LHFPL3: variants seen among roughly 807,000 people sequenced by gnomAD.
LHFPL3 encodes LHFPL tetraspan subfamily member 3, also known as LHFPL tetraspan subfamily member 3 protein.
Under a neutral mutation model 19.3 loss-of-function variants are expected in LHFPL3, and 5 were observed. The observed-to-expected ratio is 0.26, with a 90% confidence interval of 0.14 to 0.54. The LOEUF (loss-of-function observed/expected upper bound fraction) is 0.54. Ranked by LOEUF, LHFPL3 falls within the 20% of genes least tolerant of loss-of-function variation. The pLI is 0.94. For missense variants in LHFPL3, 249 were observed against 307.4 expected (o/e 0.81, Z 1.42); for synonymous variants, 133 against 126.2 (o/e 1.05, Z -0.36).
At chr7:104,553,375 A>C (rs1404986492) in intron 1 of LHFPL3, among the ~76,000 whole-genome samples, 1 of 152,134 alleles carries the variant, frequency 6.6e-6, no homozygotes, top group Non-Finnish European at 1.5e-5. Flanking sequence ...TTTCCATTTT[A>C]ATAAAAAGTT....
intron 1 of LHFPL3, among the ~76,000 whole-genome samples, chr7:104,609,220 G>A (rs533394001): frequency 1.3e-3 from 200 of 151,740 alleles, no homozygotes; most frequent in Non-Finnish European, 2.4e-3. Context: ...AGCTGAGACC[G>A]TGCCACTACA....
intron 2 of LHFPL3, among the ~76,000 whole-genome samples, chr7:104,737,673 T>C (rs183861375): frequency 1.3e-5 from 2 of 152,340 alleles, no homozygotes; most frequent in Non-Finnish European, 2.9e-5. Context: ...GGGATAGAAT[T>C]TTGGTGTCTC....
Position 104,771,848 on chromosome 7 carries a change from G to A in LHFPL3, c.682+34937G>A, listed in dbSNP as rs368399212. Among the ~76,000 whole-genome samples the A allele has an allele frequency of 5.2e-3, 582 of 111,224 alleles. 3 individuals are homozygous for A. The highest frequency in any genetic ancestry group is 0.019 in the African/African-American group (540 of 28,356). The allele number at this position is 111,224 out of a possible 152,430, so 73.0% of individuals were successfully genotyped here. On this transcript the variant is annotated intron_variant, in intron 2 of 2. Coordinates refer to ENST00000424859, the MANE Select transcript of LHFPL3 (RefSeq NM_199000.3). Reference sequence around the variant, plus strand: ...TTTTTTTTTTTTTTTTTTTTGAGACGGTTTCGCTCTGTCGCCAGGCTGGAG... The same window carrying A: ...TTTTTTTTTTTTTTTTTTTTGAGACAGTTTCGCTCTGTCGCCAGGCTGGAG...
chr7:104,760,808 T>C (rs78712315), intron 2 of LHFPL3, among the ~76,000 whole-genome samples: 2,107 of 152,272 alleles, frequency 0.014, 34 homozygotes, highest in East Asian at 0.054. Context: ...CTTTCAATCT[T>C]CCTACCCATT....
intron 1 of LHFPL3, among the ~76,000 whole-genome samples, chr7:104,566,984 G>A (rs544131197): frequency 6.6e-6 from 1 of 152,118 alleles, no homozygotes; most frequent in East Asian, 1.9e-4. Context: ...TCACTCTTCT[G>A]TCAGCCTCCC....
chr7:104,672,931 T>C (rs1413410669), intron 1 of LHFPL3, among the ~76,000 whole-genome samples: 2 of 152,008 alleles, frequency 1.3e-5, no homozygotes, highest in Non-Finnish European at 2.9e-5. Flanking sequence ...AAAGGAAAAA[T>C]ATGTGGTCAT....
chr7:104,468,139 C>T (rs148280907), intron 1 of LHFPL3, among the ~76,000 whole-genome samples: 3 of 152,352 alleles, frequency 2.0e-5, no homozygotes, highest in African/African-American at 7.2e-5. Flanking sequence ...GCCACTGCTG[C>T]AACCCGGAGG....
Position 104,745,033 on chromosome 7 carries a change from G to A in LHFPL3, c.682+8122G>A, listed in dbSNP as rs961391195. Among the ~76,000 whole-genome samples the A allele has an allele frequency of 3.3e-5, 5 of 152,232 alleles. No individual in the cohort carries two copies. The Middle Eastern group carries it at 0.01, about 311-fold the overall frequency. ...GGTCTCTATACCCAACAGCTTACCC[G>A]ATACCCTTTTTTGAATATCTAATTA... On this transcript the variant is annotated intron_variant, in intron 2 of 2. Transcript: ENST00000424859.
At chr7:104,486,079 T>C (rs1471862740) in intron 1 of LHFPL3, among the ~76,000 whole-genome samples, 3 of 152,236 alleles carry the variant, frequency 2.0e-5, no homozygotes, top group Non-Finnish European at 4.4e-5. Context: ...GAGTTCATAA[T>C]TCTGAGTCAG....
chr7:104,408,868 T>C (rs189973881), intron 1 of LHFPL3, among the ~76,000 whole-genome samples: 2,116 of 134,012 alleles, frequency 0.016, 90 homozygotes, highest in African/African-American at 0.056. Flanking sequence ...TTCTTTCTTT[T>C]TTTTTTTTTT....
intron 1 of LHFPL3, chr7:104,669,554 A>T: frequency 6.2e-7 from 1 of 1,611,712 alleles, no homozygotes; most frequent in Non-Finnish European, 8.5e-7. Flanking sequence ...GATGAAAATG[A>T]GGGAGAAGAT....
chr7:104,383,577 A>C (rs574765263), intron 1 of LHFPL3, among the ~76,000 whole-genome samples: 7 of 152,220 alleles, frequency 4.6e-5, no homozygotes, highest in African/African-American at 1.7e-4. Context: ...GATCCTATAA[A>C]GGAGCTGGTC....
chr7:104,377,855 AT>A (rs1190327079), intron 1 of LHFPL3, among the ~76,000 whole-genome samples: 1 of 152,196 alleles, frequency 6.6e-6, no homozygotes, highest in Non-Finnish European at 1.5e-5. Context: ...CTAAGCTTTT[AT>A]TTGTCTTTAA....
At chr7:104,820,815 G>A (rs1486151861) in intron 2 of LHFPL3, among the ~76,000 whole-genome samples, 1 of 152,138 alleles carries the variant, frequency 6.6e-6, no homozygotes, top group African/African-American at 2.4e-5. Flanking sequence ...GAGGAGGAGA[G>A]AAACGCCTTC....
chr7:104,843,352 C>CA lies in LHFPL3; in HGVS notation c.683-62834dup, dbSNP rs577892072. 3.2e-3 allele frequency among the ~76,000 whole-genome samples: 491 copies of CA among 152,332 alleles called. 6 individuals carry two copies. Among genetic ancestry groups the CA allele is most frequent in the African/African-American group, 0.012 (479 of 41,578 alleles). On this transcript the variant is annotated intron_variant, in intron 2 of 2. Coordinates refer to ENST00000424859, the MANE Select transcript of LHFPL3 (RefSeq NM_199000.3). Reference sequence around the variant, plus strand: ...CTTCCACCTCCGTGGTGGAAGAATGCACCTCGATGGAAGCTGAGCACATTG... The same window carrying CA: ...CTTCCACCTCCGTGGTGGAAGAATGCAACCTCGATGGAAGCTGAGCACATTG...
chr7:104,860,155 A>C (rs904263623), intron 2 of LHFPL3, among the ~76,000 whole-genome samples: 1 of 142,566 alleles, frequency 7.0e-6, no homozygotes, highest in African/African-American at 2.6e-5. Flanking sequence ...CCACCCCCCA[A>C]ATACACACAC....
intron 2 of LHFPL3, among the ~76,000 whole-genome samples, chr7:104,769,739 T>C (rs989576387): frequency 3.3e-5 from 5 of 152,084 alleles, no homozygotes; most frequent in African/African-American, 4.8e-5. Flanking sequence ...GATAGTTTGT[T>C]GAGAATGATG....
At position 104,742,633 on chromosome 7, in the gene LHFPL3, T is replaced by G. The variant is rs550337322; in HGVS notation, c.682+5722T>G. 1.6e-3 allele frequency among the ~76,000 whole-genome samples: 249 copies of G among 152,314 alleles called. 1 individual carries two copies. Among genetic ancestry groups the G allele is most frequent in the African/African-American group, 5.8e-3 (241 of 41,562 alleles). On this transcript the variant is annotated intron_variant, in intron 2 of 2. Coordinates refer to ENST00000424859, the MANE Select transcript of LHFPL3 (RefSeq NM_199000.3). ...GAGGAGCCTTGGGCCAATATCTTAATAGTTCCAAAATTAAGCTTCCTGGCC... is the reference window on the plus strand; with the variant it reads ...GAGGAGCCTTGGGCCAATATCTTAAGAGTTCCAAAATTAAGCTTCCTGGCC...
At chr7:104,451,127 G>A (rs1463020832) in intron 1 of LHFPL3, among the ~76,000 whole-genome samples, 1 of 152,164 alleles carries the variant, frequency 6.6e-6, no homozygotes, top group Non-Finnish European at 1.5e-5. Context: ...AAATGGAACG[G>A]AAACTATAGA....
Sources: gnomAD v4.1 joint callset for allele counts (sites outside exome capture counted in the v4.1 genomes callset) on GRCh38, gnomAD v4.1.1 for gene constraint, MANE v1.5 for transcripts, NCBI Gene and HGNC (gene_info 2026-07-23, HGNC 2026-07-21) for gene names.